The following MYCBP2 variants were observed in gnomAD, a reference collection of about 807,000 sequenced individuals.
MYCBP2 encodes the protein E3 ubiquitin-protein ligase MYCBP2.
MYCBP2 carries 120 observed loss-of-function variants against 525.3 expected under a neutral mutation model. The ratio of observed to expected loss-of-function variants is 0.23; its 90% CI spans 0.20 to 0.27. MYCBP2 has a LOEUF of 0.27. MYCBP2 is among the 10% of genes least tolerant of loss of function. The probability of loss-of-function intolerance (pLI) is 1.00; values close to 1 mark genes in which losing one functional copy is unlikely to be tolerated. For missense variants in MYCBP2, 4,149 were observed against 5,657.1 expected (o/e 0.73, Z 8.55); for synonymous variants, 1,894 against 1,955.8 (o/e 0.97, Z 0.83).
Position 77,278,832 on chromosome 13 carries a change from C to T in MYCBP2, c.674G>A (p.Ser225Asn). Residue 225 changes from serine to asparagine, a missense_variant, in exon 4 of 83, where the codon AGT (serine) becomes AAT (asparagine). Ser to Asn is a conservative substitution (Grantham distance 46). Around this residue, in one of 21 missense-constraint regions of MYCBP2, gnomAD observed 413 missense variants for 451.2 expected, o/e 0.92. Transcript: ENST00000544440. ...RFSHPSLCLR[S>N]LQALLNVLQG... ...CAGCACGTTGAGCAGGGCTTGGAGA[C>T]TCCTGAGACACAGGGATGGATGAGA... 6.2e-7 allele frequency: 1 copy of T among 1,605,722 alleles called. No individual in the cohort carries two copies. Among genetic ancestry groups the T allele is most frequent in the Non-Finnish European group, 8.5e-7 (1 of 1,176,122 alleles).
At chr13:77,059,436 C>G in intron 77 of MYCBP2, 87 bp downstream of exon 77, 3 of 981,018 alleles carry the variant, frequency 3.1e-6, no homozygotes, top group Admixed American at 1.7e-5. Flanking sequence ...GCTGGAGTGA[C>G]GCTGAGCTAA....
chr13:77,166,976 TACACACACAC>T (rs539593054), intron 40 of MYCBP2, among the ~76,000 whole-genome samples: 5,968 of 127,072 alleles, frequency 0.047, 165 homozygotes, highest in South Asian at 0.09. Context: ...AACACACACA[TACACACACAC>T]ACACACACAC....
At chr13:77,267,984 C>T in intron 7 of MYCBP2, 47 bp from the exon 8 acceptor site, 1 of 1,186,192 alleles carries the variant, frequency 8.4e-7, no homozygotes, top group East Asian at 2.4e-5. Flanking sequence ...ATTACTAATT[C>T]AGCAGAAACA....
At chr13:77,256,263 A>C (rs1238446556) in intron 14 of MYCBP2, among the ~76,000 whole-genome samples, 1 of 152,090 alleles carries the variant, frequency 6.6e-6, no homozygotes, top group African/African-American at 2.4e-5. Context: ...TGCTGCCAAA[A>C]ATGGTTAAAA....
Position 77,058,551 on chromosome 13 carries a change from T to TA in MYCBP2, c.13141-146dup. On this transcript the variant is annotated intron_variant, in intron 77 of 82. Transcript: ENST00000544440. The surrounding 1 kb of genome is among the most constrained non-coding windows in gnomAD (Gnocchi z 4.1). The stretch of plus-strand genomic sequence containing the variant: ...AGTAACAACAAAGTAAAGTTATTTC[T>TA]AATCTTTGTTTGAATATAAATTAGG... 1.6e-6 allele frequency: 1 copy of TA among 634,856 alleles called. No individual in the cohort carries two copies. Among genetic ancestry groups the TA allele is most frequent in the South Asian group, 3.6e-5 (1 of 27,442 alleles). The allele number at this position is 634,856 out of a possible 1,614,324, so 39.3% of individuals were successfully genotyped here. A position where few individuals can be genotyped will look rare whatever the true frequency, so the allele number is the denominator to read the frequency against.
At chr13:77,207,234 A>G (rs2063452860) in intron 23 of MYCBP2, among the ~76,000 whole-genome samples, 2 of 152,212 alleles carry the variant, frequency 1.3e-5, no homozygotes, top group Admixed American at 1.3e-4. Context: ...GAAACAATCA[A>G]TCCATAGCAA....
chr13:77,262,010 A>T, intron 11 of MYCBP2, 43 bp downstream of exon 11: 1 of 1,489,050 alleles, frequency 6.7e-7, no homozygotes, highest in Non-Finnish European at 9.3e-7. Flanking sequence ...TTAATCTCTT[A>T]AATCAGAGAA....
intron 55 of MYCBP2, among the ~76,000 whole-genome samples, chr13:77,105,173 A>G (rs913022393): frequency 4.6e-5 from 7 of 152,138 alleles, no homozygotes; most frequent in African/African-American, 1.7e-4. Context: ...TGAAGACTCC[A>G]CATAGCAGGA....
intron 11 of MYCBP2, among the ~76,000 whole-genome samples, 154 bp downstream of exon 11, chr13:77,261,899 T>A (rs1000740237): frequency 6.6e-5 from 10 of 152,050 alleles, no homozygotes; most frequent in Non-Finnish European, 1.0e-4. Context: ...GTTCCCTACA[T>A]GAATAAAATT....
At chr13:77,263,521 T>A in intron 10 of MYCBP2, 130 bp downstream of exon 10, 2 of 657,982 alleles carry the variant, frequency 3.0e-6, no homozygotes, top group Non-Finnish European at 4.9e-6. Flanking sequence ...TTATCCTTTA[T>A]ATTAATAGTA....
chr13:77,065,965 T>G, intron 72 of MYCBP2, 27 bp downstream of exon 72: 3 of 1,574,118 alleles, frequency 1.9e-6, no homozygotes, highest in Non-Finnish European at 2.6e-6. Flanking sequence ...CGCACTTCAC[T>G]GCCAAAACAG....
At chr13:77,317,210 C>T (rs182471572) in intron 1 of MYCBP2, among the ~76,000 whole-genome samples, 1 of 152,326 alleles carries the variant, frequency 6.6e-6, no homozygotes. Flanking sequence ...TCTCGGCCTC[C>T]CAAAGTGCTG....
intron 39 of MYCBP2, among the ~76,000 whole-genome samples, chr13:77,169,174 C>T (rs2058855551): frequency 1.3e-5 from 2 of 152,046 alleles, no homozygotes; most frequent in South Asian, 2.1e-4. Context: ...TTTGGGAGGG[C>T]GAGGCGGGCG....
intron 79 of MYCBP2, among the ~76,000 whole-genome samples, chr13:77,056,185 ACGCCAG>A (rs2038008966): frequency 7.1e-6 from 1 of 141,164 alleles, no homozygotes; most frequent in South Asian, 2.3e-4. Context: ...GGAAGGCAGA[ACGCCAG>A]GTGACAGAAG....
In MYCBP2 at chr13:77,093,588, G is replaced by A. The variant is rs76726325; in HGVS notation, c.10200-256C>T. Among the ~76,000 whole-genome samples the A allele has an allele frequency of 1.7e-3, 254 of 152,228 alleles. 4 individuals carry two copies. The highest frequency in any genetic ancestry group is 5.4e-3 in the African/African-American group (225 of 41,564). On this transcript the variant is annotated intron_variant, in intron 58 of 82. Coordinates refer to ENST00000544440, the MANE Select transcript of MYCBP2 (RefSeq NM_015057.5). Reference sequence around the variant, plus strand: ...TTTGAGAACTTTTCCATCTTCCAGTGTTTTGGTGAATAAGCCCACCAACCA... The same window carrying A: ...TTTGAGAACTTTTCCATCTTCCAGTATTTTGGTGAATAAGCCCACCAACCA...
chr13:77,075,679 G>C (rs957294834), intron 68 of MYCBP2: 1 of 152,054 alleles, frequency 6.6e-6, no homozygotes, highest in African/African-American at 2.4e-5. Context: ...CTTTTTGGGG[G>C]GGGTGAGGGG....
In MYCBP2 at chr13:77,260,555, T is replaced by C. The variant is rs765045525; in HGVS notation, c.1890A>G (p.Lys630=). The C allele has an allele frequency of 1.2e-5, 20 of 1,609,786 alleles. No homozygotes were observed. Among genetic ancestry groups the C allele is most frequent in the Non-Finnish European group, 1.4e-5 (17 of 1,178,784 alleles). The change falls in exon 13 of 83, where the codon AAA becomes AAG. Residue 630 remains lysine (K), a synonymous_variant. Coordinates refer to ENST00000544440, the MANE Select transcript of MYCBP2 (RefSeq NM_015057.5). The part of the protein sequence containing the change: ...SRRQSKPYKP[K]KIIKMEGKIV... ...TCTTTCCTTCCATCTTAATTATCTT[T>C]TTAGGTTTATAAGGTTTGGATTGCC...
In MYCBP2 at chr13:77,092,897, C is replaced by T. The variant is rs192191668; in HGVS notation, c.10367+268G>A. 2.0e-5 allele frequency among the ~76,000 whole-genome samples: 3 copies of T among 152,284 alleles called. No individual in the cohort carries two copies. The East Asian group carries it at 5.8e-4, about 29-fold the overall frequency. ...CCCATGAAAACTCAAAGTAACCCTT[C>T]CCTACTCTGATTTACTACAGCATTA... On this transcript the variant is annotated intron_variant, in intron 59 of 82. Coordinates refer to ENST00000544440, the MANE Select transcript of MYCBP2 (RefSeq NM_015057.5).
intron 43 of MYCBP2, among the ~76,000 whole-genome samples, chr13:77,163,853 A>T (rs912638245): frequency 6.6e-6 from 1 of 152,082 alleles, no homozygotes; most frequent in African/African-American, 2.4e-5. Flanking sequence ...AGCATGCAAA[A>T]ATCCCAGGAG....
Sources: gnomAD v4.1 joint callset for allele counts (sites outside exome capture counted in the v4.1 genomes callset) on GRCh38, gnomAD v4.1.1 for gene constraint, gnomAD v4.1.1 regional missense constraint, Gnocchi (gnomAD v3.1) non-coding constraint, MANE v1.5 for transcripts, NCBI Gene and HGNC (gene_info 2026-07-23, HGNC 2026-07-21) for gene names.